The following DMXL1 variants were observed in gnomAD, a reference collection of about 807,000 sequenced individuals.
DMXL1 encodes dmX-like protein 1.
A neutral mutation model predicts 319.2 loss-of-function variants in DMXL1; 99 were observed. The ratio of observed to expected loss-of-function variants is 0.31; its 90% CI spans 0.26 to 0.37. The LOEUF is 0.37. Ranked by LOEUF, DMXL1 falls within the 10% of genes least tolerant of loss-of-function variation. DMXL1 has a pLI of 1.00. For missense variants in DMXL1, 3,745 were observed against 3,595.6 expected, an observed-to-expected ratio of 1.04 and a Z score of -1.06; for synonymous variants, 1,385 against 1,235.2, an observed-to-expected ratio of 1.12 and a Z score of -2.54.
At chr5:119,114,336 C>G (rs549090161) in intron 5 of DMXL1, 139 bp from the exon 6 acceptor site, 1 of 649,682 alleles carries the variant, frequency 1.5e-6, no homozygotes, top group East Asian at 2.9e-5. Flanking sequence ...GTTCATTTTT[C>G]AGGTACACAA....
intron 29 of DMXL1, among the ~76,000 whole-genome samples, chr5:119,193,409 T>C (rs1779045675): frequency 6.6e-6 from 1 of 152,208 alleles, no homozygotes; most frequent in South Asian, 2.1e-4. Flanking sequence ...TGTCATTTAG[T>C]TCTCGTACTT....
At chr5:119,208,071 CTG>C (rs897615287) in intron 34 of DMXL1, among the ~76,000 whole-genome samples, 53 of 152,132 alleles carry the variant, frequency 3.5e-4, no homozygotes, top group African/African-American at 1.3e-3. Flanking sequence ...CAAAATAAGT[CTG>C]TATGTCATTC....
chr5:119,224,921 C>A, intron 38 of DMXL1, 152 bp downstream of exon 38: 1 of 370,142 alleles, frequency 2.7e-6, no homozygotes, highest in East Asian at 4.0e-5. Flanking sequence ...TAAATAAAAT[C>A]TTGATTTCAA....
At chr5:119,085,284 T>C (rs879799169) in intron 1 of DMXL1, among the ~76,000 whole-genome samples, 1 of 151,756 alleles carries the variant, frequency 6.6e-6, no homozygotes, top group Non-Finnish European at 1.5e-5. Context: ...TGAACCAAGA[T>C]TGGTGCCACT....
chr5:119,149,813 A>G lies in DMXL1; in HGVS notation c.3986A>G (p.Gln1329Arg). ...SPTLPQYHPL[Q>R]LLELMDLGKV... ...ACTCTACCTCAGTATCATCCCTTGC[A>G]GCTTTTGGAACTCATGGATCTTGGT... Residue 1329 changes from glutamine to arginine, a missense_variant, in exon 18 of 44, where the codon CAG becomes CGG. This residue lies in a region of DMXL1 where 2,096 missense variants were observed against 1,985.4 expected (regional missense o/e 1.06). Transcript: ENST00000539542. 6.2e-7 allele frequency: 1 copy of G among 1,613,938 alleles called. No homozygotes were observed. The highest frequency in any genetic ancestry group is 8.5e-7 in the Non-Finnish European group (1 of 1,179,936).
Position 119,171,012 on chromosome 5 carries a change from G to C in DMXL1, c.6221G>C (p.Cys2074Ser), listed in dbSNP as rs1391468475. The change falls in exon 24 of 44, where the codon TGT becomes TCT. Residue 2074 changes from cysteine to serine, a missense_variant. Transcript: ENST00000539542. ...GAGGTGATAGCTCTTCAGAGGACTT[G>C]TGACTTTTGCTCAGATGCTGAAGAA... ...EKEVIALQRT[C>S]DFCSDAEELQ... The C allele has an allele frequency of 6.2e-7, 1 of 1,613,770 alleles. No homozygotes were observed. The highest frequency in any genetic ancestry group is 2.2e-5 in the East Asian group (1 of 44,870).
intron 12 of DMXL1, 40 bp from the exon 13 acceptor site, chr5:119,134,228 A>C (rs1349538680): frequency 6.2e-7 from 1 of 1,605,360 alleles, no homozygotes; most frequent in East Asian, 2.2e-5. Context: ...TGACATTATC[A>C]TCAAAGGGTG....
At chr5:119,110,068 T>A (rs1476087146) in intron 4 of DMXL1, 83 bp from the exon 5 acceptor site, 2 of 1,293,566 alleles carry the variant, frequency 1.5e-6, no homozygotes, top group Non-Finnish European at 2.1e-6. Context: ...TTTTAGAAGT[T>A]GTTTTATATG....
intron 10 of DMXL1, among the ~76,000 whole-genome samples, chr5:119,130,648 T>C (rs767808170): frequency 1.4e-4 from 21 of 152,336 alleles, no homozygotes; most frequent in Non-Finnish European, 2.5e-4. Context: ...CGGCCTGTGC[T>C]TTGTTTTAAT....
intron 34 of DMXL1, among the ~76,000 whole-genome samples, chr5:119,209,946 A>G (rs918537963): frequency 6.6e-6 from 1 of 151,998 alleles, no homozygotes; most frequent in East Asian, 1.9e-4. Context: ...TTGTCTTTTC[A>G]TTCTGTTTAC....
intron 33 of DMXL1, among the ~76,000 whole-genome samples, chr5:119,205,575 T>C (rs1435120736): frequency 2.0e-5 from 3 of 152,118 alleles, no homozygotes; most frequent in Non-Finnish European, 4.4e-5. Flanking sequence ...TACTTTGCAA[T>C]GTTTTGATAA....
intron 1 of DMXL1, among the ~76,000 whole-genome samples, chr5:119,091,260 G>A (rs1482001524): frequency 6.6e-6 from 1 of 152,074 alleles, no homozygotes; most frequent in Non-Finnish European, 1.5e-5. Flanking sequence ...AGGCTGGAGT[G>A]CAGTGGTGAG....
At chr5:119,214,427 T>G (rs1783325428) in intron 34 of DMXL1, among the ~76,000 whole-genome samples, 1 of 152,214 alleles carries the variant, frequency 6.6e-6, no homozygotes, top group South Asian at 2.1e-4. Flanking sequence ...CTTTATGTTT[T>G]ATCTCACAGT....
rs569678608 is a variant in DMXL1, at chr5:119,146,169, C to T, written c.2570-668C>T. Among the ~76,000 whole-genome samples the T allele has an allele frequency of 4.0e-5, 6 of 151,842 alleles. No homozygotes were observed. The East Asian group carries it at 5.8e-4, about 15-fold the overall frequency. ...GCTTTCTCATGTTTTACATGTTCTA[C>T]GATTTATTTTGTTTTTATAATGTAA... On this transcript the variant is annotated intron_variant, in intron 15 of 43. Coordinates refer to ENST00000539542, the MANE Select transcript of DMXL1 (RefSeq NM_001290321.3).
intron 13 of DMXL1, among the ~76,000 whole-genome samples, chr5:119,140,714 C>T (rs1338618196): frequency 6.6e-6 from 1 of 152,036 alleles, no homozygotes; most frequent in African/African-American, 2.4e-5. Flanking sequence ...TGAAACTATT[C>T]CAAAAAATTG....
At chr5:119,152,073 C>T (rs571357333) in intron 19 of DMXL1, 37 bp downstream of exon 19, 15 of 1,417,656 alleles carry the variant, frequency 1.1e-5, no homozygotes, top group South Asian at 6.4e-5. Context: ...GGAAATAAAG[C>T]GAGTAGAAAA....
At chr5:119,075,691 A>G (rs1249489648) in intron 1 of DMXL1, among the ~76,000 whole-genome samples, 4 of 151,048 alleles carry the variant, frequency 2.6e-5, no homozygotes. Flanking sequence ...TTAATTTCCT[A>G]CTGATCTTAG....
At chr5:119,102,879 G>T (rs1404415415) in intron 3 of DMXL1, among the ~76,000 whole-genome samples, 1 of 152,124 alleles carries the variant, frequency 6.6e-6, no homozygotes, top group Non-Finnish European at 1.5e-5. Context: ...TAAATGATGA[G>T]AAATTATGAA....
intron 13 of DMXL1, among the ~76,000 whole-genome samples, chr5:119,135,664 C>T (rs1271536062): frequency 6.6e-6 from 1 of 152,130 alleles, no homozygotes; most frequent in Non-Finnish European, 1.5e-5. Context: ...TGAGGGAGTT[C>T]TCACAAGATC....
Sources: gnomAD v4.1 joint callset for allele counts (sites outside exome capture counted in the v4.1 genomes callset) on GRCh38, gnomAD v4.1.1 for gene constraint, gnomAD v4.1.1 regional missense constraint, MANE v1.5 for transcripts, NCBI Gene and HGNC (gene_info 2026-07-23, HGNC 2026-07-21) for gene names.